The following TAFA1 variants were observed in gnomAD, a reference collection of about 807,000 sequenced individuals.
The protein encoded by TAFA1 is chemokine-like protein TAFA-1.
Under a neutral mutation model 18.5 loss-of-function variants are expected in TAFA1, and 4 were observed. That is an observed-to-expected ratio of 0.22 (90% CI 0.11 to 0.49). The LOEUF (loss-of-function observed/expected upper bound fraction) is 0.49, where lower values mean the gene tolerates loss of function less well. TAFA1 is among the 20% of genes least tolerant of loss of function. The probability of loss-of-function intolerance (pLI) is 0.98; values close to 1 mark genes in which losing one functional copy is unlikely to be tolerated. For synonymous variants in TAFA1, 56 were observed against 55.2 expected, an observed-to-expected ratio of 1.01 and a Z score of -0.06; for missense variants, 147 against 169.0, an observed-to-expected ratio of 0.87 and a Z score of 0.72.
intron 2 of TAFA1, among the ~76,000 whole-genome samples, chr3:68,385,607 G>C (rs187330945): frequency 6.6e-6 from 1 of 152,018 alleles, no homozygotes; most frequent in Non-Finnish European, 1.5e-5. Flanking sequence ...GCAATATGTG[G>C]CATGTTGTAG....
intron 2 of TAFA1, among the ~76,000 whole-genome samples, chr3:68,353,602 G>T (rs1200176797): frequency 6.6e-6 from 1 of 152,002 alleles, no homozygotes; most frequent in African/African-American, 2.4e-5. Flanking sequence ...AACAATGGCT[G>T]CAGGGAAGTA....
intron 2 of TAFA1, among the ~76,000 whole-genome samples, chr3:68,329,130 C>A (rs1268369532): frequency 1.3e-5 from 2 of 150,018 alleles, no homozygotes; most frequent in Non-Finnish European, 1.5e-5. Flanking sequence ...CGTCACCCAA[C>A]CTCCGCCTCC....
At chr3:68,467,171 G>A (rs545755700) in intron 3 of TAFA1, among the ~76,000 whole-genome samples, 59 of 152,188 alleles carry the variant, frequency 3.9e-4, no homozygotes, top group Non-Finnish European at 7.2e-4. Context: ...TTTTTAAGGT[G>A]CCCAGATTTC....
chr3:68,294,011 CAG>C (rs2068162748), intron 2 of TAFA1, among the ~76,000 whole-genome samples: 1 of 152,198 alleles, frequency 6.6e-6, no homozygotes, highest in South Asian at 2.1e-4. Flanking sequence ...GAAATGCACT[CAG>C]AGGAACATTA....
At chr3:68,325,491 G>A (rs1412557055) in intron 2 of TAFA1, among the ~76,000 whole-genome samples, 13 of 152,110 alleles carry the variant, frequency 8.5e-5, no homozygotes, top group Admixed American at 8.5e-4. Flanking sequence ...TGAGATAAAT[G>A]CTCAGTGCAT....
upstream of TAFA1, among the ~76,000 whole-genome samples, chr3:68,003,021 C>A (rs139717222): frequency 9.9e-5 from 15 of 152,230 alleles, no homozygotes; most frequent in East Asian, 2.9e-3. Flanking sequence ...CACTCATGAA[C>A]AATAATAATG....
At chr3:68,324,946 TG>T in intron 2 of TAFA1, among the ~76,000 whole-genome samples, 1 of 152,302 alleles carries the variant, frequency 6.6e-6, no homozygotes, top group Non-Finnish European at 1.5e-5. Flanking sequence ...TGTCTCATTT[TG>T]CCAGTCTTCA....
intron 2 of TAFA1, among the ~76,000 whole-genome samples, chr3:68,117,972 A>G (rs1353675813): frequency 2.0e-5 from 3 of 152,200 alleles, no homozygotes; most frequent in Non-Finnish European, 4.4e-5. Flanking sequence ...CTGAAACTCT[A>G]TACCAGTGGT....
intron 2 of TAFA1, among the ~76,000 whole-genome samples, chr3:68,047,953 A>G (rs994246879): frequency 6.6e-6 from 1 of 152,122 alleles, no homozygotes; most frequent in African/African-American, 2.4e-5. Flanking sequence ...ACATGCTTGT[A>G]AGGGATGATG....
chr3:68,430,623 T>C (rs996037215), intron 3 of TAFA1, among the ~76,000 whole-genome samples: 5 of 151,942 alleles, frequency 3.3e-5, no homozygotes, highest in Non-Finnish European at 2.9e-5. Flanking sequence ...ATGAAGTGTC[T>C]GACAACAGAT....
At position 68,414,393 on chromosome 3, in the gene TAFA1, T is replaced by C. The variant is rs576601733; in HGVS notation, c.119-2887T>C. On this transcript the variant is annotated intron_variant, in intron 2 of 4. Transcript: ENST00000478136. Reference sequence around the variant, plus strand: ...CTCGGATATTTAACCTTGGTAACCTTTCTAAGCCAAGTGTCAAACATTTTC... The same window carrying C: ...CTCGGATATTTAACCTTGGTAACCTCTCTAAGCCAAGTGTCAAACATTTTC... Among the ~76,000 whole-genome samples, 3 of 152,260 alleles carry C rather than the reference T, an allele frequency of 2.0e-5. No individual in the cohort carries two copies. In the South Asian group the frequency reaches 6.2e-4, roughly 32 times the overall value.
chr3:68,378,054 C>T (rs917290673), intron 2 of TAFA1, among the ~76,000 whole-genome samples: 4 of 152,202 alleles, frequency 2.6e-5, no homozygotes, highest in African/African-American at 7.2e-5. Context: ...CATGGAGAAA[C>T]TCTGCTGGGG....
At chr3:68,024,613 C>A (rs1290439249) in intron 2 of TAFA1, among the ~76,000 whole-genome samples, 1 of 152,150 alleles carries the variant, frequency 6.6e-6, no homozygotes, top group African/African-American at 2.4e-5. Context: ...TTTACCAACA[C>A]TTCTGTGTCA....
chr3:68,431,519 G>A (rs1293051577), intron 3 of TAFA1, among the ~76,000 whole-genome samples: 2 of 151,946 alleles, frequency 1.3e-5, no homozygotes, highest in East Asian at 1.9e-4. Context: ...GGAAACTGGG[G>A]CTCAAGATGA....
chr3:68,202,784 G>T (rs1396870251), intron 2 of TAFA1, among the ~76,000 whole-genome samples: 1 of 151,566 alleles, frequency 6.6e-6, no homozygotes, highest in African/African-American at 2.4e-5. Flanking sequence ...ATGGTAATAT[G>T]AGCATATGTA....
intron 3 of TAFA1, among the ~76,000 whole-genome samples, chr3:68,513,984 G>GATCA (rs751649690): frequency 6.6e-6 from 1 of 152,200 alleles, no homozygotes; most frequent in Non-Finnish European, 1.5e-5. Context: ...GAAAGTTAAA[G>GATCA]ATCAAGGTGC....
intron 2 of TAFA1, among the ~76,000 whole-genome samples, chr3:68,090,210 A>G (rs1473629096): frequency 6.6e-6 from 1 of 152,154 alleles, no homozygotes; most frequent in Non-Finnish European, 1.5e-5. Context: ...AAAACAAACA[A>G]ATCCCTGCAA....
chr3:68,320,122 C>A (rs1199146392), intron 2 of TAFA1, among the ~76,000 whole-genome samples: 1 of 152,118 alleles, frequency 6.6e-6, no homozygotes, highest in Non-Finnish European at 1.5e-5. Context: ...ACTTATCAAA[C>A]CCCTTTTCTT....
intron 2 of TAFA1, among the ~76,000 whole-genome samples, chr3:68,197,498 G>A (rs1372924660): frequency 6.6e-6 from 1 of 151,526 alleles, no homozygotes; most frequent in Non-Finnish European, 1.5e-5. Context: ...GCAACATTCA[G>A]AATTCAGGAC....
Sources: gnomAD v4.1 joint callset for allele counts (sites outside exome capture counted in the v4.1 genomes callset) on GRCh38, gnomAD v4.1.1 for gene constraint, MANE v1.5 for transcripts, NCBI Gene and HGNC (gene_info 2026-07-23, HGNC 2026-07-21) for gene names.